FANCA: variants seen among roughly 807,000 people sequenced by gnomAD.
The protein encoded by FANCA is Fanconi anemia group A protein.
FANCA carries 236 observed loss-of-function variants against 194.3 expected under a neutral mutation model. The ratio of observed to expected loss-of-function variants is 1.21; its 90% CI spans 1.09 to 1.35. The LOEUF is 1.35. FANCA is among the 40% of genes most tolerant of loss of function. The pLI is 0.00. For missense variants in FANCA, 2,628 were observed against 1,813.9 expected (o/e 1.45, Z -8.15); for synonymous variants, 1,014 against 715.8 (o/e 1.42, Z -6.65).
At chr16:89,739,870 C>A (rs779935085) in intron 39 of FANCA, 124 bp downstream of exon 39, 1 of 1,546,638 alleles carries the variant, frequency 6.5e-7, no homozygotes, top group South Asian at 1.2e-5. Context: ...TCTGTCCCAA[C>A]TAAAATGGAG....
intron 2 of FANCA, 151 bp downstream of exon 2, chr16:89,815,726 C>T (rs1421778766): frequency 1.4e-6 from 1 of 718,842 alleles, no homozygotes; most frequent in South Asian, 1.4e-5. Flanking sequence ...CAGGTTGGTC[C>T]AGAACTCCCG....
At position 89,771,343 on chromosome 16, in the gene FANCA, C is replaced by T. The variant is rs564453736; in HGVS notation, c.2151+335G>A. ...GTGTGGTGATGCACGCCTGTAGTCCCAGCTACTCGGGAGGCTGAGACAAGA... is the reference window on the plus strand; with the variant it reads ...GTGTGGTGATGCACGCCTGTAGTCCTAGCTACTCGGGAGGCTGAGACAAGA... On this transcript the variant is annotated intron_variant, in intron 23 of 42. Coordinates refer to ENST00000389301, the MANE Select transcript of FANCA (RefSeq NM_000135.4). 2.0e-5 allele frequency among the ~76,000 whole-genome samples: 3 copies of T among 151,898 alleles called. No homozygotes were observed. The South Asian group carries it at 6.2e-4, about 32-fold the overall frequency.
chr16:89,815,919 G>A lies in FANCA; in HGVS notation c.147C>T (p.Arg49=), dbSNP rs762962148. ...RAQKLKESAV[R]LLRSHQDLNA... is the part of the protein sequence containing the mutation. ...TCAGGTCCTGATGGCTTCGCAGGAG[G>A]CGCACAGCTGATTCCTTTAATTTCT... Residue 49 remains arginine, a synonymous_variant, in exon 2 of 43, where the codon CGC becomes CGT. Transcript: ENST00000389301. The A allele has an allele frequency of 5.6e-6, 9 of 1,614,010 alleles. No homozygotes were observed. Among genetic ancestry groups the A allele is most frequent in the African/African-American group, 5.3e-5 (4 of 74,944 alleles).
intron 26 of FANCA, among the ~76,000 whole-genome samples, chr16:89,769,298 G>C (rs575220721): frequency 3.2e-4 from 48 of 152,346 alleles, no homozygotes; most frequent in Admixed American, 6.5e-4. Flanking sequence ...CTGAGTGGCA[G>C]CTGAAGGGAT....
In FANCA at chr16:89,791,405, T is replaced by C. The variant is rs776170227; in HGVS notation, c.1357A>G (p.Lys453Glu). The change falls in exon 14 of 43, where the codon AAG becomes GAG. Residue 453 changes from lysine (K) to glutamate (E), a missense_variant and splice_region_variant. Coordinates refer to ENST00000389301, the MANE Select transcript of FANCA (RefSeq NM_000135.4). ...SAFLSYADWFKASFGSTRGYH... is the reference protein window; with the variant it reads ...SAFLSYADWFEASFGSTRGYH... ...TAGCCGATTGGCAGGTCACTTACCTTGAACCAGTCTGCATATGACAGGAAC... is the reference window on the plus strand; with the variant it reads ...TAGCCGATTGGCAGGTCACTTACCTCGAACCAGTCTGCATATGACAGGAAC... 1.2e-6 allele frequency: 2 copies of C among 1,613,896 alleles called. No individual in the cohort carries two copies. Among genetic ancestry groups the C allele is most frequent in the Admixed American group, 3.3e-5 (2 of 59,992 alleles).
chr16:89,756,577 G>A (rs182572431), intron 30 of FANCA, among the ~76,000 whole-genome samples: 4 of 152,140 alleles, frequency 2.6e-5, no homozygotes, highest in Non-Finnish European at 5.9e-5. Flanking sequence ...GTGGGCTGCA[G>A]TCACTGTACC....
intron 8 of FANCA, among the ~76,000 whole-genome samples, chr16:89,801,230 G>C (rs1405679998): frequency 1.3e-5 from 2 of 150,112 alleles, no homozygotes; most frequent in African/African-American, 4.9e-5. Context: ...TGTAGTCCCA[G>C]CTATTCAGGA....
intron 30 of FANCA, 58 bp downstream of exon 30, chr16:89,758,519 T>C (rs2038836318): frequency 6.3e-7 from 1 of 1,596,806 alleles, no homozygotes; most frequent in Non-Finnish European, 8.6e-7. Context: ...CTCCCCTTTA[T>C]ATATATCCTA....
rs1047657243 is a variant in FANCA, at chr16:89,810,848, A to T, written c.427-46T>A. 3 of 1,612,304 alleles carry T rather than the reference A, an allele frequency of 1.9e-6. No homozygotes were observed. The Admixed American group carries it at 5.0e-5, about 27-fold the overall frequency. ...TTTTAAAAAACAAATTACCTGAAACAATACTAAAGCTATGTCCTATTTTCC... is the reference window on the plus strand; with the variant it reads ...TTTTAAAAAACAAATTACCTGAAACTATACTAAAGCTATGTCCTATTTTCC... On this transcript the variant is annotated intron_variant, in intron 4 of 42. Transcript: ENST00000389301.
At chr16:89,770,385 G>A (rs1339246779) in intron 24 of FANCA, 126 bp from the exon 25 acceptor site, 6 of 1,061,242 alleles carry the variant, frequency 5.7e-6, no homozygotes, top group South Asian at 2.7e-5. Context: ...GGTCTTTCTG[G>A]AAGACAACCC....
At position 89,767,169 on chromosome 16, in the gene FANCA, C is replaced by G. The variant is rs1291169859; in HGVS notation, c.2573G>C (p.Ser858Thr). The G allele has an allele frequency of 1.9e-6, 3 of 1,613,358 alleles. No individual in the cohort carries two copies. The highest frequency in any genetic ancestry group is 2.5e-6 in the Non-Finnish European group (3 of 1,179,418). Residue 858 changes from serine to threonine, a missense_variant, in exon 27 of 43, where the codon AGC becomes ACC. Coordinates refer to ENST00000389301, the MANE Select transcript of FANCA (RefSeq NM_000135.4). ...FSSQSRDTLC[S>T]CLSPGLIKKF... ...TTTAATAAGGCCTGGAGATAAGCAG[C>G]TGCACAAAGTATCTCGTGACTGGGA...
chr16:89,811,637 C>G (rs935905556), intron 3 of FANCA, among the ~76,000 whole-genome samples: 1 of 152,196 alleles, frequency 6.6e-6, no homozygotes, highest in African/African-American at 2.4e-5. Context: ...AGCCACTGGT[C>G]TGCATTCAAT....
In FANCA at chr16:89,782,047, T is replaced by C. The variant is rs528329532; in HGVS notation, c.1626+812A>G. On this transcript the variant is annotated intron_variant, in intron 17 of 42. Transcript: ENST00000389301. ...TGTTTTCATTAGTGACCCACACATA[T>C]CACATGACCATCTGACATTTGGCTG... 1.7e-3 allele frequency among the ~76,000 whole-genome samples: 251 copies of C among 151,524 alleles called. 4 individuals carry two copies. The highest frequency in any genetic ancestry group is 2.3e-3 in the Non-Finnish European group (157 of 67,878).
intron 30 of FANCA, among the ~76,000 whole-genome samples, chr16:89,754,151 G>A (rs1015210960): frequency 1.3e-5 from 2 of 152,044 alleles, no homozygotes; most frequent in African/African-American, 4.8e-5. Flanking sequence ...GAACCTGAGA[G>A]GCGAAGGTTT....
At chr16:89,775,273 G>A (rs761391401) in intron 21 of FANCA, among the ~76,000 whole-genome samples, 18 of 152,248 alleles carry the variant, frequency 1.2e-4, no homozygotes, top group African/African-American at 2.9e-4. Context: ...CAATGAGGGC[G>A]TAGGTCTGAC....
chr16:89,792,986 T>A (rs568204104), intron 11 of FANCA, among the ~76,000 whole-genome samples: 1 of 152,158 alleles, frequency 6.6e-6, no homozygotes, highest in African/African-American at 2.4e-5. Flanking sequence ...ACTACTGCTA[T>A]CTAGAAGGCA....
chr16:89,740,756 C>T (rs1220765017), intron 38 of FANCA, 48 bp downstream of exon 38: 9 of 1,562,382 alleles, frequency 5.8e-6, no homozygotes, highest in Non-Finnish European at 7.9e-6. Flanking sequence ...GTGCCCCTGC[C>T]TGGCCCACAG....
At chr16:89,801,280 C>A (rs1431159129) in intron 8 of FANCA, among the ~76,000 whole-genome samples, 3 of 144,788 alleles carry the variant, frequency 2.1e-5, no homozygotes, top group Non-Finnish European at 4.5e-5. Context: ...GGAGGCGGAG[C>A]TTGCAGTGAG....
At chr16:89,798,716 A>C in intron 10 of FANCA, 1 of 1,322,442 alleles carries the variant, frequency 7.6e-7, no homozygotes, top group South Asian at 1.6e-5. Context: ...AGCTTTGCCT[A>C]CTGGTGAATC....
Sources: allele counts gnomAD v4.1 joint callset (sites outside exome capture counted in the v4.1 genomes callset), GRCh38; gene constraint gnomAD v4.1.1; transcripts MANE v1.5; gene names NCBI Gene and HGNC (gene_info 2026-07-23, HGNC 2026-07-21).